NAA80: variants seen among roughly 807,000 people sequenced by gnomAD.
NAA80 encodes the protein N-alpha-acetyltransferase 80, NatH catalytic subunit.
A neutral mutation model predicts 8.7 loss-of-function variants in NAA80; 5 were observed. The observed-to-expected ratio is 0.58, with a 90% CI of 0.30 to 1.21. NAA80 has a LOEUF of 1.21. Among genes scored for constraint, NAA80 ranks in the 50% most tolerant of loss-of-function variants. NAA80 has a pLI of 0.07. For synonymous variants in NAA80, 149 were observed against 156.6 expected (o/e 0.95, Z 0.36); for missense variants, 360 against 368.6 (o/e 0.98, Z 0.19).
Position 50,299,405 on chromosome 3 carries a change from G to A in NAA80, c.-402C>T. The stretch of plus-strand genomic sequence containing the variant: ...CCCAGCACCCGCGCGTCGCCGCTTA[G>A]AACCCGCCCCTGGTTTGCGCGTCAC... On this transcript the variant is annotated 5_prime_UTR_variant, in exon 1 of 2. Coordinates refer to ENST00000443094, the MANE Select transcript of NAA80 (RefSeq NM_001200016.2). 7.7e-7 allele frequency: 1 copy of A among 1,302,340 alleles called. No individual in the cohort carries two copies. Among genetic ancestry groups the A allele is most frequent in the Non-Finnish European group, 1.1e-6 (1 of 950,506 alleles). The allele number at this position is 1,302,340 out of a possible 1,614,324, so 80.7% of individuals were successfully genotyped here.
At position 50,299,376 on chromosome 3, in the gene NAA80, G is replaced by A; in HGVS notation, c.-373C>T. The A allele has an allele frequency of 2.7e-6, 4 of 1,486,260 alleles. No individual in the cohort carries two copies. Among genetic ancestry groups the A allele is most frequent in the Non-Finnish European group, 3.6e-6 (4 of 1,102,818 alleles). The allele number at this position is 1,486,260 out of a possible 1,614,324, so 92.1% of individuals were successfully genotyped here. On this transcript the variant is annotated 5_prime_UTR_variant, in exon 1 of 2. Coordinates refer to ENST00000443094, the MANE Select transcript of NAA80 (RefSeq NM_001200016.2). ...CTGCGGCACGCCACGGCGTTCTAAGGCCTCCCAGCACCCGCGCGTCGCCGC... is the reference window on the plus strand; with the variant it reads ...CTGCGGCACGCCACGGCGTTCTAAGACCTCCCAGCACCCGCGCGTCGCCGC...
At chr3:50,298,050 C>A in intron 1 of NAA80, 1 of 985,698 alleles carries the variant, frequency 1.0e-6, no homozygotes, top group Non-Finnish European at 1.2e-6. Context: ...TACTTGCTGG[C>A]CTTCTGTCTT....
In NAA80 at chr3:50,296,955, C is replaced by A. The variant is rs373486474; in HGVS notation, c.509G>T (p.Arg170Leu). The change falls in exon 2 of 2, where the codon CGC becomes CTC. Residue 170 changes from arginine to leucine, a missense_variant. Coordinates refer to ENST00000443094, the MANE Select transcript of NAA80 (RefSeq NM_001200016.2). ...GTCATGGGTGGTGAGATGCAGCTTG[C>A]GGAAGCCCCGGGCCCGAGCAAAGAC... ...LEVFARARGFRKLHLTTHDQV... is the reference protein window; with the variant it reads ...LEVFARARGFLKLHLTTHDQV... 17 of 1,601,028 alleles carry A rather than the reference C, an allele frequency of 1.1e-5. No homozygotes were observed. The highest frequency in any genetic ancestry group is 1.7e-4 in the Middle Eastern group (1 of 5,968).
In NAA80 at chr3:50,297,555, G is replaced by A. The variant is rs781991958; in HGVS notation, c.-92C>T. On this transcript the variant is annotated 5_prime_UTR_variant, in exon 2 of 2. Transcript: ENST00000443094. This position sits in a 1 kb window ranked among gnomAD's most constrained non-coding sequence, Gnocchi z 4.3. ...ATGCACAGGATCCAGGTTCAGCTGA[G>A]TCAGGCTGGGAGCCAAGGTCACCTG... 1.1e-4 allele frequency: 171 copies of A among 1,502,496 alleles called. 3 individuals are homozygous for A. The South Asian group carries it at 2.1e-3, about 18-fold the overall frequency. The allele number at this position is 1,502,496 out of a possible 1,614,324, so 93.1% of individuals were successfully genotyped here. A position where few individuals can be genotyped will look rare whatever the true frequency, so the allele number is the denominator to read the frequency against.
chr3:50,299,201 T>C lies in NAA80; in HGVS notation c.-210+12A>G. ...ACCTACAGGCAGCAAATGGGAAGGGTGCGGTACTGACATGTTGATGCTGGC... is the reference window on the plus strand; with the variant it reads ...ACCTACAGGCAGCAAATGGGAAGGGCGCGGTACTGACATGTTGATGCTGGC... On this transcript the variant is annotated intron_variant, in intron 1 of 1. Transcript: ENST00000443094. 2 of 1,614,034 alleles carry C rather than the reference T, an allele frequency of 1.2e-6. No individual in the cohort carries two copies. The highest frequency in any genetic ancestry group is 1.7e-6 in the Non-Finnish European group (2 of 1,180,000).
rs782204114 is a variant in NAA80 at position 50,299,237 on chromosome 3, T to G, written c.-234A>C. On this transcript the variant is annotated 5_prime_UTR_variant, in exon 1 of 2. Coordinates refer to ENST00000443094, the MANE Select transcript of NAA80 (RefSeq NM_001200016.2). ...CATGTTGATGCTGGCCTCTGGGATG[T>G]TCCGCGTCCTAGCTCCGCACAGCTG... 6.2e-7 allele frequency: 1 copy of G among 1,614,088 alleles called. No individual in the cohort carries two copies. Among genetic ancestry groups the G allele is most frequent in the Non-Finnish European group, 8.5e-7 (1 of 1,180,006 alleles).
rs34484133 is a variant in NAA80, at chr3:50,297,050, C to T, written c.414G>A (p.Val138=). The part of the protein sequence containing the change: ...RVLNQPQSLL[V]ETVVVARALR... ...GGGCCCGGGCCACCACCACTGTCTC[C>T]ACTAAGAGGCTCTGGGGCTGGTTCA... The change falls in exon 2 of 2, where the codon GTG becomes GTA. Residue 138 remains valine (V), a synonymous_variant. Transcript: ENST00000443094. The surrounding 1 kb of genome is among the most constrained non-coding windows in gnomAD (Gnocchi z 4.3). 19,263 of 1,535,848 alleles carry T rather than the reference C, an allele frequency of 0.013. 151 individuals are homozygous for T. Among genetic ancestry groups the T allele is most frequent in the Non-Finnish European group, 0.014 (16,430 of 1,144,020 alleles).
Position 50,296,738 on chromosome 3 carries a change from T to G in NAA80, c.726A>C (p.Pro242=), listed in dbSNP as rs1701860555. The change falls in exon 2 of 2, where the codon CCA becomes CCC. Residue 242 remains proline, a synonymous_variant. Coordinates refer to ENST00000443094, the MANE Select transcript of NAA80 (RefSeq NM_001200016.2). ...GGCACTCAGGTAGGGGAGGGGGTGG[T>G]GGCAATGGAGGTCCCTTGGGACCCC... ...APRGPKGPPL[P]PPPPLPECLT... The G allele has an allele frequency of 6.2e-7, 1 of 1,609,380 alleles. No homozygotes were observed. The highest frequency in any genetic ancestry group is 1.3e-5 in the African/African-American group (1 of 74,296).
In NAA80 at chr3:50,297,467, G is replaced by A; in HGVS notation, c.-4C>T. On this transcript the variant is annotated 5_prime_UTR_variant, in exon 2 of 2. Coordinates refer to ENST00000443094, the MANE Select transcript of NAA80 (RefSeq NM_001200016.2). This position sits in a 1 kb window ranked among gnomAD's most constrained non-coding sequence, Gnocchi z 4.3. The stretch of plus-strand genomic sequence containing the variant: ...TGGTACTCAGGATCAGCTCCATCCG[G>A]TGTGTAGGGTCTAGTGTAGGGGTCA... The A allele has an allele frequency of 1.3e-6, 2 of 1,596,028 alleles. No individual in the cohort carries two copies. Among genetic ancestry groups the A allele is most frequent in the Non-Finnish European group, 1.7e-6 (2 of 1,169,730 alleles).
intron 1 of NAA80, 148 bp downstream of exon 1, chr3:50,299,065 G>A: frequency 1.9e-6 from 3 of 1,598,222 alleles, no homozygotes; most frequent in East Asian, 2.2e-5. Context: ...AGGACTTCGA[G>A]AGCTCGACTC....
rs782815866 is a variant in NAA80, at chr3:50,297,211, G to A, written c.253C>T (p.Arg85Cys). 13 of 1,612,734 alleles carry A rather than the reference G, an allele frequency of 8.1e-6. No homozygotes were observed. The East Asian group carries it at 1.1e-4, about 14-fold the overall frequency. The change falls in exon 2 of 2, where the codon CGC becomes TGC. Residue 85 changes from arginine to cysteine, a missense_variant. Coordinates refer to ENST00000443094, the MANE Select transcript of NAA80 (RefSeq NM_001200016.2). This position sits in a 1 kb window ranked among gnomAD's most constrained non-coding sequence, Gnocchi z 4.3. Reference protein sequence around the residue: ...CADLINDQWPRSRTSRLHSLG... With the variant: ...CADLINDQWPCSRTSRLHSLG... ...GAGTGCAGGCGGGAGGTGCGGCTGC[G>A]GGGCCACTGATCATTGATGAGGTCA...
Position 50,296,964 on chromosome 3 carries a change from C to T in NAA80, c.500G>A (p.Arg167Gln), listed in dbSNP as rs1238874730. Residue 167 changes from arginine (R) to glutamine (Q), a missense_variant, in exon 2 of 2, where the codon CGG becomes CAG. By Grantham distance (43) the Arg-to-Gln change is conservative. Transcript: ENST00000443094. ...GGTGAGATGCAGCTTGCGGAAGCCC[C>T]GGGCCCGAGCAAAGACCTCCAGGCC... ...MEGLEVFARA[R>Q]GFRKLHLTTH... 6.3e-6 allele frequency: 10 copies of T among 1,594,716 alleles called. No individual in the cohort carries two copies. The highest frequency in any genetic ancestry group is 4.0e-5 in the African/African-American group (3 of 74,212).
In NAA80 at chr3:50,297,274, G is replaced by A; in HGVS notation, c.190C>T (p.Pro64Ser). 3 of 1,607,022 alleles carry A rather than the reference G, an allele frequency of 1.9e-6. No homozygotes were observed. The highest frequency in any genetic ancestry group is 1.7e-4 in the Middle Eastern group (1 of 6,024). Reference sequence around the variant, plus strand: ...AGGAGCTCGGGTCGGCGGTGCACAGGCTCCAGGGTCAACTCAGCCAGGCTA... The same window carrying A: ...AGGAGCTCGGGTCGGCGGTGCACAGACTCCAGGGTCAACTCAGCCAGGCTA... ...APSLAELTLE[P>S]VHRRPELLDA... is the part of the protein sequence containing the mutation. Residue 64 changes from proline to serine, a missense_variant, in exon 2 of 2, where the codon CCT (proline) becomes TCT (serine). Physicochemically the swap from Pro to Ser is moderately conservative, Grantham distance 74. Transcript: ENST00000443094. This position sits in a 1 kb window ranked among gnomAD's most constrained non-coding sequence, Gnocchi z 4.3.
At chr3:50,299,158 A>G (rs1702010630) in intron 1 of NAA80, 55 bp downstream of exon 1, 1 of 1,613,798 alleles carries the variant, frequency 6.2e-7, no homozygotes, top group Non-Finnish European at 8.5e-7. Context: ...CCACTTGGGG[A>G]CCGCACGCGC....
Position 50,297,530 on chromosome 3 carries a change from A to C in NAA80, c.-67T>G, listed in dbSNP as rs782205646. On this transcript the variant is annotated 5_prime_UTR_variant, in exon 2 of 2. Coordinates refer to ENST00000443094, the MANE Select transcript of NAA80 (RefSeq NM_001200016.2). This position sits in a 1 kb window ranked among gnomAD's most constrained non-coding sequence, Gnocchi z 4.3. ...CAGGGCTCAGAGTCAGCTCTTGCCT[A>C]TGCACAGGATCCAGGTTCAGCTGAG... 2 of 1,516,438 alleles carry C rather than the reference A, an allele frequency of 1.3e-6. No homozygotes were observed. Among genetic ancestry groups the C allele is most frequent in the Non-Finnish European group, 8.8e-7 (1 of 1,130,134 alleles). 93.9% of individuals were successfully genotyped at this position (1,516,438 alleles called of 1,614,324 possible).
rs1421402103 is a variant in NAA80, at chr3:50,298,893, G to T, written c.-210+320C>A. 5 of 1,340,756 alleles carry T rather than the reference G, an allele frequency of 3.7e-6. No individual in the cohort carries two copies. The Admixed American group carries it at 1.6e-4, about 43-fold the overall frequency. 83.1% of individuals were successfully genotyped at this position (1,340,756 alleles called of 1,614,324 possible). A position where few individuals can be genotyped will look rare whatever the true frequency, so the allele number is the denominator to read the frequency against. ...GGAAGCCCCAGGATCCGCCCCTAGG[G>T]CTGAGCCCGGGGCTTCCCCGCGGCC... On this transcript the variant is annotated intron_variant, in intron 1 of 1. Transcript: ENST00000443094.
In NAA80 at chr3:50,297,919, G is replaced by A; in HGVS notation, c.-209-247C>T. ...TGGGAGTGATGGATGAGCTGCTTAA[G>A]GCTGGGGCAGAACCTAGGAGTCCTG... On this transcript the variant is annotated intron_variant, in intron 1 of 1. Transcript: ENST00000443094. The surrounding 1 kb of genome is among the most constrained non-coding windows in gnomAD (Gnocchi z 4.3). 1.0e-5 allele frequency: 10 copies of A among 995,070 alleles called. No individual in the cohort carries two copies. Among genetic ancestry groups the A allele is most frequent in the Non-Finnish European group, 1.2e-5 (10 of 836,892 alleles). The allele number at this position is 995,070 out of a possible 1,614,324, so 61.6% of individuals were successfully genotyped here.
chr3:50,296,970 C>T lies in NAA80; in HGVS notation c.494G>A (p.Arg165Gln), dbSNP rs763891675. 2.4e-5 allele frequency: 38 copies of T among 1,591,212 alleles called. No homozygotes were observed. Among genetic ancestry groups the T allele is most frequent in the African/African-American group, 1.1e-4 (8 of 74,128 alleles). The change falls in exon 2 of 2, where the codon CGG becomes CAG. Residue 165 changes from arginine (R) to glutamine (Q), a missense_variant. Physicochemically the swap from Arg to Gln is conservative, Grantham distance 43. Transcript: ENST00000443094. ...ATGCAGCTTGCGGAAGCCCCGGGCC[C>T]GAGCAAAGACCTCCAGGCCCTCCAT... ...RLMEGLEVFA[R>Q]ARGFRKLHLT...
chr3:50,299,100 G>A, intron 1 of NAA80, 113 bp downstream of exon 1: 1 of 1,608,236 alleles, frequency 6.2e-7, no homozygotes, highest in Non-Finnish European at 8.5e-7. Flanking sequence ...GCTCGGCATG[G>A]TCTGGAAACG....
Sources: allele counts gnomAD v4.1 joint callset, GRCh38; gene constraint gnomAD v4.1.1; non-coding constraint Gnocchi (gnomAD v3.1); transcripts MANE v1.5; gene names NCBI Gene and HGNC (gene_info 2026-07-23, HGNC 2026-07-21).